The following ANO2 variants were observed in gnomAD, a reference collection of about 807,000 sequenced individuals.
The protein encoded by ANO2 is anoctamin-2.
In ANO2, 101 loss-of-function variants were observed where a neutral mutation model predicts 124.2. That is an observed-to-expected ratio of 0.81 (90% CI 0.69 to 0.96). ANO2 has a LOEUF of 0.96. Among genes scored for constraint, ANO2 ranks in the 40% least tolerant of loss-of-function variants. The probability of loss-of-function intolerance (pLI) is 0.00; values close to 1 mark genes in which losing one functional copy is unlikely to be tolerated. For synonymous variants in ANO2, 486 were observed against 482.5 expected (o/e 1.01, Z -0.09); for missense variants, 1,293 against 1,274.5 (o/e 1.01, Z -0.22).
At chr12:5,752,655 AT>A (rs34842961) in intron 10 of ANO2, among the ~76,000 whole-genome samples, 4,630 of 152,160 alleles carry the variant, frequency 0.03, 89 homozygotes, top group South Asian at 0.065. Context: ...GTTTGCAAAT[AT>A]TTTCTCCCAT....
intron 10 of ANO2, among the ~76,000 whole-genome samples, chr12:5,784,245 G>A (rs1952480797): frequency 6.6e-6 from 1 of 151,946 alleles, no homozygotes; most frequent in Non-Finnish European, 1.5e-5. Context: ...AACCTTCCAG[G>A]AGGCCTCCTC....
chr12:5,917,015 G>A (rs1028765976), intron 3 of ANO2, among the ~76,000 whole-genome samples: 2 of 152,204 alleles, frequency 1.3e-5, no homozygotes, highest in Admixed American at 6.5e-5. Flanking sequence ...GGGGGAGGCT[G>A]TGTCACCTGG....
intron 7 of ANO2, among the ~76,000 whole-genome samples, chr12:5,818,420 T>C (rs7956715): frequency 0.037 from 5,280 of 142,016 alleles, 228 homozygotes; most frequent in African/African-American, 0.1. Context: ...CTTGTGATCA[T>C]GTGAGTTAAT....
intron 20 of ANO2, among the ~76,000 whole-genome samples, chr12:5,592,947 C>T (rs183963388): frequency 5.9e-5 from 9 of 152,324 alleles, no homozygotes; most frequent in East Asian, 5.8e-4. Flanking sequence ...AACATCTGGT[C>T]TCCGAGAGGA....
intron 3 of ANO2, among the ~76,000 whole-genome samples, chr12:5,891,451 G>C (rs1404964192): frequency 2.0e-5 from 3 of 152,148 alleles, no homozygotes; most frequent in African/African-American, 4.8e-5. Context: ...ATGTGGCAGA[G>C]GAGGGTAAGT....
chr12:5,687,886 G>A (rs1948771117), intron 14 of ANO2, among the ~76,000 whole-genome samples: 1 of 145,684 alleles, frequency 6.9e-6, no homozygotes, highest in South Asian at 2.2e-4. Flanking sequence ...ACAACACCAG[G>A]AGGTCAGGTC....
intron 19 of ANO2, among the ~76,000 whole-genome samples, chr12:5,610,571 ATATATT>A (rs977182728): frequency 3.5e-4 from 50 of 142,430 alleles, no homozygotes; most frequent in Non-Finnish European, 6.1e-4. Flanking sequence ...TATAAAACAA[ATATATT>A]TATATTTATA....
chr12:5,928,454 G>C (rs990162425), intron 1 of ANO2, among the ~76,000 whole-genome samples: 2 of 98,242 alleles, frequency 2.0e-5, no homozygotes, highest in African/African-American at 6.2e-5. Flanking sequence ...TTCCTCCGTA[G>C]TCTACTTTCC....
At chr12:5,698,847 T>C (rs1949293299) in intron 14 of ANO2, among the ~76,000 whole-genome samples, 1 of 152,198 alleles carries the variant, frequency 6.6e-6, no homozygotes, top group African/African-American at 2.4e-5. Flanking sequence ...AGGGTATCAG[T>C]GATTGAAGAT....
At chr12:5,570,742 T>G (rs934577156) in intron 23 of ANO2, among the ~76,000 whole-genome samples, 1 of 152,206 alleles carries the variant, frequency 6.6e-6, no homozygotes, top group African/African-American at 2.4e-5. Context: ...CAACTCCAAA[T>G]AGTGGCATGT....
At position 5,821,161 on chromosome 12, in the gene ANO2, G is replaced by A. The variant is rs150542706; in HGVS notation, c.892+6608C>T. 1.4e-3 allele frequency among the ~76,000 whole-genome samples: 214 copies of A among 152,298 alleles called. 1 individual carries two copies. The highest frequency in any genetic ancestry group is 6.8e-3 in the Middle Eastern group (2 of 294). ...GAAGTAGCAAACACACCAGACTTAT[G>A]GGTGAGACATTTGCATGCCAGGGGA... On this transcript the variant is annotated intron_variant, in intron 7 of 24. Transcript: ENST00000682330.
intron 20 of ANO2, among the ~76,000 whole-genome samples, chr12:5,587,683 G>A (rs529554807): frequency 2.0e-4 from 31 of 152,204 alleles, no homozygotes; most frequent in African/African-American, 6.7e-4. Flanking sequence ...TCAGGAAAAG[G>A]TTTGATATTG....
rs1941533868 is a variant in ANO2, at chr12:5,563,212, A to G, written c.*87T>C. On this transcript the variant is annotated 3_prime_UTR_variant, in exon 25 of 25. Coordinates refer to ENST00000682330, the MANE Select transcript of ANO2 (RefSeq NM_001364791.2). ...CATCAAGCCAGGCCCCTGCAGACAG[A>G]CAGCACGCCATGTGGGTGTAGGAAC... 6.7e-7 allele frequency: 1 copy of G among 1,482,352 alleles called. No individual in the cohort carries two copies. Among genetic ancestry groups the G allele is most frequent in the Non-Finnish European group, 9.0e-7 (1 of 1,114,648 alleles). The allele number at this position is 1,482,352 out of a possible 1,614,324, so 91.8% of individuals were successfully genotyped here. A position where few individuals can be genotyped will look rare whatever the true frequency, so the allele number is the denominator to read the frequency against.
At chr12:5,822,996 T>G (rs1037154390) in intron 7 of ANO2, among the ~76,000 whole-genome samples, 4 of 152,160 alleles carry the variant, frequency 2.6e-5, no homozygotes, top group Admixed American at 2.0e-4. Flanking sequence ...ATCATGAGAA[T>G]AGCATGGGAA....
intron 20 of ANO2, among the ~76,000 whole-genome samples, chr12:5,581,225 T>C (rs1293976431): frequency 6.6e-6 from 1 of 152,212 alleles, no homozygotes; most frequent in Admixed American, 6.5e-5. Flanking sequence ...AGTTATAAGC[T>C]GGTCTTCTTG....
chr12:5,708,156 C>T (rs1013749411), intron 14 of ANO2, among the ~76,000 whole-genome samples: 10 of 152,214 alleles, frequency 6.6e-5, no homozygotes, highest in African/African-American at 2.2e-4. Flanking sequence ...CTTCACCAAA[C>T]CCAGTGAACG....
chr12:5,796,529 TCACA>T (rs1263395312), intron 10 of ANO2, among the ~76,000 whole-genome samples: 2 of 150,364 alleles, frequency 1.3e-5, no homozygotes, highest in Non-Finnish European at 3.0e-5. Flanking sequence ...ATTCTCACAC[TCACA>T]CACACTAACA....
rs968222214 is a variant in ANO2 at position 5,862,539 on chromosome 12, C to A, written c.535-8398G>T. 7.9e-5 allele frequency among the ~76,000 whole-genome samples: 12 copies of A among 152,164 alleles called. No homozygotes were observed. Among genetic ancestry groups the A allele is most frequent in the African/African-American group, 2.9e-4 (12 of 41,438 alleles). The stretch of plus-strand genomic sequence containing the variant: ...AACCAGAGGCAGCCCAGGAACAACT[C>A]CTCAAAGCCCAAGTGAAGAGGAAGC... On this transcript the variant is annotated intron_variant, in intron 3 of 24. Transcript: ENST00000682330. This position sits in a 1 kb window ranked among gnomAD's most constrained non-coding sequence, Gnocchi z 4.0.
intron 14 of ANO2, among the ~76,000 whole-genome samples, chr12:5,698,506 C>A (rs552322200): frequency 5.9e-5 from 9 of 152,290 alleles, no homozygotes; most frequent in African/African-American, 1.7e-4. Flanking sequence ...GAAACCAGAC[C>A]AGAAAAGCTG....
Sources: gnomAD v4.1 joint callset for allele counts (sites outside exome capture counted in the v4.1 genomes callset) on GRCh38, gnomAD v4.1.1 for gene constraint, Gnocchi (gnomAD v3.1) non-coding constraint, MANE v1.5 for transcripts, NCBI Gene and HGNC (gene_info 2026-07-23, HGNC 2026-07-21) for gene names.